CCDC7: variants seen among roughly 807,000 people sequenced by gnomAD.
CCDC7 encodes the protein coiled-coil domain-containing protein 7.
In CCDC7, 183 loss-of-function variants were observed where a neutral mutation model predicts 196.9. That is an observed-to-expected ratio of 0.93 (90% CI 0.82 to 1.05). The LOEUF (loss-of-function observed/expected upper bound fraction) is 1.05. Ranked by LOEUF, CCDC7 falls within the 50% of genes least tolerant of loss-of-function variation. The pLI, the probability that CCDC7 is intolerant of heterozygous loss-of-function variation, is 0.00. For missense variants in CCDC7, 1,540 were observed against 1,482.2 expected (o/e 1.04, Z -0.64); for synonymous variants, 525 against 484.6 (o/e 1.08, Z -1.10).
At chr10:32,543,277 C>T in intron 11 of CCDC7, 23 bp from the exon 13 acceptor site, 2 of 1,374,302 alleles carry the variant, frequency 1.5e-6, no homozygotes, top group Non-Finnish European at 1.9e-6. Flanking sequence ...CCCTTTATTT[C>T]TGGCTTATGT....
chr10:32,651,427 T>C (rs932885691), intron 20 of CCDC7, among the ~76,000 whole-genome samples: 2 of 152,298 alleles, frequency 1.3e-5, no homozygotes, highest in Non-Finnish European at 2.9e-5. Context: ...GTGAGCTCTG[T>C]CTATGAGAGC....
upstream of CCDC7, among the ~76,000 whole-genome samples, chr10:32,446,888 GC>G (rs1289608159): frequency 1.6e-5 from 1 of 63,430 alleles, no homozygotes; most frequent in Admixed American, 2.2e-4. Flanking sequence ...AGCGTTGCCT[GC>G]CTGCCTGCCT....
intron 18 of CCDC7, among the ~76,000 whole-genome samples, chr10:32,599,438 C>G (rs1444125613): frequency 6.6e-6 from 1 of 152,072 alleles, no homozygotes; most frequent in Non-Finnish European, 1.5e-5. Flanking sequence ...TTAAGGGGAA[C>G]TTGCTTTTGT....
At chr10:32,518,235 C>CA (rs879239772) in intron 10 of CCDC7, among the ~76,000 whole-genome samples, 181 bp from the exon 12 acceptor site, 1 of 152,090 alleles carries the variant, frequency 6.6e-6, no homozygotes, top group South Asian at 2.1e-4. Context: ...CAGTCCTTGA[C>CA]ACGTGTAGAT....
At chr10:32,716,180 G>A (rs2081544753) in intron 25 of CCDC7, among the ~76,000 whole-genome samples, 1 of 152,208 alleles carries the variant, frequency 6.6e-6, no homozygotes, top group South Asian at 2.1e-4. Flanking sequence ...ACAAAGGGAA[G>A]CCCATCAGAC....
intron 24 of CCDC7, 71 bp downstream of exon 25, chr10:32,695,063 A>T (rs1180057356): frequency 5.3e-6 from 4 of 760,036 alleles, no homozygotes; most frequent in Middle Eastern, 4.0e-4. Context: ...TCTTTGGTTC[A>T]TGACTATGTA....
intron 21 of CCDC7, among the ~76,000 whole-genome samples, chr10:32,668,839 C>T (rs147116840): frequency 6.6e-6 from 1 of 152,072 alleles, no homozygotes; most frequent in Non-Finnish European, 1.5e-5. Context: ...TTTATGTTAT[C>T]TGACCAAGAT....
intron 31 of CCDC7, among the ~76,000 whole-genome samples, chr10:32,822,903 G>T (rs1363998064): frequency 6.6e-6 from 1 of 152,256 alleles, no homozygotes; most frequent in African/African-American, 2.4e-5. Context: ...AATTTCTCCA[G>T]CACATAACTT....
intron 21 of CCDC7, among the ~76,000 whole-genome samples, chr10:32,674,859 T>G (rs1264706480): frequency 2.0e-5 from 3 of 152,096 alleles, no homozygotes; most frequent in African/African-American, 7.2e-5. Context: ...ACCTTTTTTT[T>G]GTCTCTTGAC....
At chr10:32,518,096 G>C in intron 10 of CCDC7, 121 bp downstream of exon 11, 2 of 1,256,032 alleles carry the variant, frequency 1.6e-6, no homozygotes, top group Non-Finnish European at 2.1e-6. Flanking sequence ...TTATTTAAGA[G>C]ATTTGTATGC....
At chr10:32,496,090 C>T (rs2042875847) in intron 9 of CCDC7, among the ~76,000 whole-genome samples, 1 of 152,052 alleles carries the variant, frequency 6.6e-6, no homozygotes, top group African/African-American at 2.4e-5. Context: ...TTGTAGTTCT[C>T]CTTGAAGAGG....
exon 37 of CCDC7, chr10:32,846,455 C>T: frequency 1.3e-6 from 2 of 1,579,284 alleles, no homozygotes; most frequent in Admixed American, 3.5e-5. Flanking sequence ...TAAAGAGTCA[C>T]CAGGGTAAGA....
intron 23 of CCDC7, among the ~76,000 whole-genome samples, chr10:32,691,040 T>C (rs1269269143): frequency 6.6e-6 from 1 of 152,210 alleles, no homozygotes; most frequent in Non-Finnish European, 1.5e-5. Context: ...CTAATGGCCC[T>C]AGAAATGCAA....
At chr10:32,807,043 G>A (rs2085987712) in intron 30 of CCDC7, among the ~76,000 whole-genome samples, 1 of 151,968 alleles carries the variant, frequency 6.6e-6, no homozygotes, top group Non-Finnish European at 1.5e-5. Context: ...TGAACATGAA[G>A]GTGAAATGAA....
At chr10:32,871,333 A>T (rs1565774424) in intron 41 of CCDC7, among the ~76,000 whole-genome samples, 2 of 151,564 alleles carry the variant, frequency 1.3e-5, no homozygotes, top group African/African-American at 4.9e-5. Context: ...TCTTGGGAGG[A>T]TGTATGTGTT....
intron 39 of CCDC7, among the ~76,000 whole-genome samples, chr10:32,849,886 G>A (rs1340294065): frequency 1.3e-5 from 2 of 152,102 alleles, no homozygotes; most frequent in Non-Finnish European, 2.9e-5. Flanking sequence ...ATAGGGTATA[G>A]ATTGGATGAT....
rs1057195988 is a variant in CCDC7, at chr10:32,586,710, C to T, written c.1801+2406C>T. 2.6e-5 allele frequency among the ~76,000 whole-genome samples: 4 copies of T among 152,178 alleles called. No individual in the cohort carries two copies. The East Asian group carries it at 7.7e-4, about 29-fold the overall frequency. The stretch of plus-strand genomic sequence containing the variant: ...AGATGTGTAGTTTTATTTCTGAGGC[C>T]TCTGTTCTGTTCCATTGGTCTATGT... On this transcript the variant is annotated intron_variant, in intron 18 of 41. Transcript: ENST00000639629.
At chr10:32,733,719 G>T (rs2084374710) in intron 28 of CCDC7, among the ~76,000 whole-genome samples, 1 of 152,018 alleles carries the variant, frequency 6.6e-6, no homozygotes, top group African/African-American at 2.4e-5. Context: ...TGTGATTATG[G>T]ATTTCTCTAT....
chr10:32,686,351 C>T (rs1017135338), intron 22 of CCDC7, among the ~76,000 whole-genome samples: 1 of 152,128 alleles, frequency 6.6e-6, no homozygotes, highest in Admixed American at 6.5e-5. Flanking sequence ...AGAGTGTGTA[C>T]CTTTTATCCA....
Sources: allele counts gnomAD v4.1 joint callset (sites outside exome capture counted in the v4.1 genomes callset), GRCh38; gene constraint gnomAD v4.1.1; transcripts MANE v1.5; gene names NCBI Gene and HGNC (gene_info 2026-07-23, HGNC 2026-07-21).